GRIK1: variants seen among roughly 807,000 people sequenced by gnomAD.
GRIK1 encodes the protein glutamate ionotropic receptor kainate type subunit 1.
In GRIK1, 69 loss-of-function variants were observed where a neutral mutation model predicts 105.7. That is an observed-to-expected ratio of 0.65 (90% confidence interval 0.54 to 0.80). The LOEUF is 0.80. GRIK1 is among the 30% of genes least tolerant of loss of function. The pLI, the probability that GRIK1 is intolerant of heterozygous loss-of-function variation, is 0.00. For synonymous variants in GRIK1, 438 were observed against 431.3 expected (o/e 1.02, Z -0.19); for missense variants, 1,109 against 1,167.3 (o/e 0.95, Z 0.73).
intron 1 of GRIK1, among the ~76,000 whole-genome samples, chr21:29,894,632 G>A (rs150500098): frequency 4.3e-4 from 65 of 152,076 alleles, no homozygotes; most frequent in African/African-American, 1.3e-3. Context: ...AATACTTTGC[G>A]TCCTTCAATC....
At chr21:29,814,672 T>A (rs1289750462) in intron 1 of GRIK1, among the ~76,000 whole-genome samples, 1 of 152,104 alleles carries the variant, frequency 6.6e-6, no homozygotes, top group African/African-American at 2.4e-5. Flanking sequence ...GGGAATAACT[T>A]GGGAGGCAAA....
intron 1 of GRIK1, among the ~76,000 whole-genome samples, chr21:29,731,208 T>A (rs2064617490): frequency 6.6e-6 from 1 of 152,188 alleles, no homozygotes; most frequent in African/African-American, 2.4e-5. Flanking sequence ...CTGGTGATGT[T>A]TTCCCAGGTG....
chr21:29,881,455 G>A (rs1054414334), intron 1 of GRIK1, among the ~76,000 whole-genome samples: 8 of 152,070 alleles, frequency 5.3e-5, no homozygotes, highest in South Asian at 2.1e-4. Flanking sequence ...AGGCTGAGTC[G>A]CTTGCTCCAG....
intron 4 of GRIK1, among the ~76,000 whole-genome samples, chr21:29,659,401 T>C (rs1290363781): frequency 6.6e-6 from 1 of 152,174 alleles, no homozygotes; most frequent in African/African-American, 2.4e-5. Flanking sequence ...CTAATCTACA[T>C]TGTTACAGAA....
At chr21:29,566,517 T>C (rs914047161) in intron 14 of GRIK1, among the ~76,000 whole-genome samples, 1 of 152,232 alleles carries the variant, frequency 6.6e-6, no homozygotes, top group Non-Finnish European at 1.5e-5. Context: ...TCAAATCTGT[T>C]ATAAGGGAGT....
At chr21:29,624,243 A>T (rs2062071221) in intron 7 of GRIK1, among the ~76,000 whole-genome samples, 1 of 152,202 alleles carries the variant, frequency 6.6e-6, no homozygotes, top group Non-Finnish European at 1.5e-5. Flanking sequence ...GAAGAATTTT[A>T]AACACAAATG....
At chr21:29,538,945 T>C (rs2089926111) in intron 16 of GRIK1, among the ~76,000 whole-genome samples, 1 of 152,226 alleles carries the variant, frequency 6.6e-6, no homozygotes, top group African/African-American at 2.4e-5. Context: ...TGTAAACTAT[T>C]GGCCTATCAG....
chr21:29,823,897 A>C (rs978497266), intron 1 of GRIK1, among the ~76,000 whole-genome samples: 2 of 152,014 alleles, frequency 1.3e-5, no homozygotes, highest in African/African-American at 4.8e-5. Context: ...TAGTGGCTGC[A>C]TCTTACTTTG....
chr21:29,876,625 G>A (rs1013722870), intron 1 of GRIK1, among the ~76,000 whole-genome samples: 6 of 152,070 alleles, frequency 3.9e-5, no homozygotes, highest in African/African-American at 1.2e-4. Context: ...TTACACCCAC[G>A]TTATCCTAGT....
intron 15 of GRIK1, among the ~76,000 whole-genome samples, chr21:29,560,892 G>A (rs531100970): frequency 6.6e-6 from 1 of 152,040 alleles, no homozygotes; most frequent in Non-Finnish European, 1.5e-5. Flanking sequence ...GAGCCATCGC[G>A]CCTGGCCATG....
At chr21:29,588,624 TA>T (rs1347832043) in intron 11 of GRIK1, among the ~76,000 whole-genome samples, 1 of 152,224 alleles carries the variant, frequency 6.6e-6, no homozygotes, top group Non-Finnish European at 1.5e-5. Context: ...TATAGCAGTG[TA>T]AAAACAAACT....
chr21:29,692,415 T>C (rs191943463), intron 2 of GRIK1, among the ~76,000 whole-genome samples: 4 of 152,254 alleles, frequency 2.6e-5, no homozygotes, highest in Admixed American at 6.5e-5. Context: ...TATGTGAGGA[T>C]AGCTTGGAAA....
chr21:29,811,712 G>A (rs759131100), intron 1 of GRIK1, among the ~76,000 whole-genome samples: 25 of 152,186 alleles, frequency 1.6e-4, no homozygotes, highest in Middle Eastern at 3.4e-3. Context: ...AAATCCTCCC[G>A]TGACTTCCTA....
chr21:29,898,190 T>C (rs889673735), intron 1 of GRIK1, among the ~76,000 whole-genome samples: 1 of 152,252 alleles, frequency 6.6e-6, no homozygotes. Flanking sequence ...TTTAAATTAC[T>C]TGTTTCTGCA....
intron 1 of GRIK1, among the ~76,000 whole-genome samples, chr21:29,696,693 G>A (rs1390523438): frequency 6.6e-6 from 1 of 152,220 alleles, no homozygotes; most frequent in Non-Finnish European, 1.5e-5. Context: ...CATGTAGAGA[G>A]ACTGTGTCTT....
intron 1 of GRIK1, among the ~76,000 whole-genome samples, chr21:29,701,298 G>A (rs2063807674): frequency 6.6e-6 from 1 of 152,162 alleles, no homozygotes; most frequent in African/African-American, 2.4e-5. Context: ...AGAGTGAGAG[G>A]TGAGAAAAGT....
At chr21:29,906,842 A>C (rs980180135) in intron 1 of GRIK1, among the ~76,000 whole-genome samples, 4 of 152,084 alleles carry the variant, frequency 2.6e-5, no homozygotes, top group Non-Finnish European at 5.9e-5. Flanking sequence ...ATTTCTGAAT[A>C]AAATAATTCC....
rs559694410 is a variant in GRIK1, at chr21:29,788,734, C to T, written c.119-94671G>A. On this transcript the variant is annotated intron_variant, in intron 1 of 17. Transcript: ENST00000327783. ...TTGTTTTCCTGCAACTAGACAGTCT[C>T]ATCTGAGGGTGATGGGAGACAGTGA... Among the ~76,000 whole-genome samples, 3 of 152,290 alleles carry T rather than the reference C, an allele frequency of 2.0e-5. No individual in the cohort carries two copies. In the South Asian group the frequency reaches 6.2e-4, roughly 32 times the overall value.
chr21:29,784,125 A>G (rs1282089167), intron 1 of GRIK1, among the ~76,000 whole-genome samples: 1 of 152,158 alleles, frequency 6.6e-6, no homozygotes, highest in Non-Finnish European at 1.5e-5. Flanking sequence ...TACGTATCTT[A>G]CCTTTTGTGA....
Sources: gnomAD v4.1 joint callset for allele counts (sites outside exome capture counted in the v4.1 genomes callset) on GRCh38, gnomAD v4.1.1 for gene constraint, MANE v1.5 for transcripts, NCBI Gene and HGNC (gene_info 2026-07-23, HGNC 2026-07-21) for gene names.